The following STIM1 variants were observed in gnomAD, a reference collection of about 807,000 sequenced individuals.
The protein encoded by STIM1 is stromal interaction molecule 1.
A neutral mutation model predicts 74.7 loss-of-function variants in STIM1; 25 were observed. That is an observed-to-expected ratio of 0.33 (90% CI 0.24 to 0.47). The LOEUF (loss-of-function observed/expected upper bound fraction) is 0.47. STIM1 is among the 20% of genes least tolerant of loss of function. The pLI, the probability that STIM1 is intolerant of heterozygous loss-of-function variation, is 1.00. For missense variants in STIM1, 728 were observed against 920.8 expected (o/e 0.79, Z 2.71); for synonymous variants, 328 against 348.8 (o/e 0.94, Z 0.66).
chr11:4,080,462 A>T (rs1161443132), intron 7 of STIM1, among the ~76,000 whole-genome samples: 1 of 140,502 alleles, frequency 7.1e-6, no homozygotes, highest in Non-Finnish European at 1.5e-5. Context: ...CTCTTTAACC[A>T]AACAGTTTTT....
intron 7 of STIM1, among the ~76,000 whole-genome samples, chr11:4,080,818 A>G (rs971053195): frequency 1.3e-5 from 2 of 152,230 alleles, no homozygotes; most frequent in East Asian, 3.9e-4. Context: ...CTCCCTGACT[A>G]TCATGCTTCT....
chr11:3,882,235 G>T (rs995945375), intron 1 of STIM1, among the ~76,000 whole-genome samples: 7 of 151,668 alleles, frequency 4.6e-5, no homozygotes, highest in Non-Finnish European at 7.4e-5. Context: ...GAGTAGCTGG[G>T]ATTACAGGCG....
intron 1 of STIM1, among the ~76,000 whole-genome samples, chr11:3,899,481 C>A (rs1302178772): frequency 6.6e-6 from 1 of 152,068 alleles, no homozygotes; most frequent in African/African-American, 2.4e-5. Context: ...ATTTGACTTC[C>A]TCTTTTCCTA....
chr11:4,083,597 A>G (rs1590697966), intron 10 of STIM1, 99 bp downstream of exon 10: 1 of 1,136,908 alleles, frequency 8.8e-7, no homozygotes, highest in East Asian at 2.6e-5. Flanking sequence ...TGGGGCAGAT[A>G]CCCAGGAAGA....
At chr11:3,939,122 G>A (rs970565832) in intron 1 of STIM1, among the ~76,000 whole-genome samples, 1 of 152,188 alleles carries the variant, frequency 6.6e-6, no homozygotes, top group Non-Finnish European at 1.5e-5. Context: ...AAAACTAAGG[G>A]ATAGCAATAG....
chr11:4,043,280 A>G (rs963067435), intron 3 of STIM1, among the ~76,000 whole-genome samples: 1 of 152,232 alleles, frequency 6.6e-6, no homozygotes, highest in Non-Finnish European at 1.5e-5. Flanking sequence ...CTTAATCATA[A>G]AAGGTCTGTT....
intron 7 of STIM1, among the ~76,000 whole-genome samples, chr11:4,076,008 T>G (rs2094435118): frequency 6.6e-6 from 1 of 152,176 alleles, no homozygotes. Flanking sequence ...AATTGGATTG[T>G]CTGTCTTTTT....
chr11:3,863,220 ATGTGTG>A (rs56737126), intron 1 of STIM1, among the ~76,000 whole-genome samples: 13,463 of 125,690 alleles, frequency 0.11, 802 homozygotes, highest in African/African-American at 0.17. Flanking sequence ...GAGACAATGC[ATGTGTG>A]TGTGTGTGTG....
chr11:3,913,113 G>T (rs1361042202), intron 1 of STIM1, among the ~76,000 whole-genome samples: 2 of 152,058 alleles, frequency 1.3e-5, no homozygotes, highest in Non-Finnish European at 2.9e-5. Flanking sequence ...TGTATTTGAG[G>T]GTCTCTTAGT....
chr11:3,924,138 T>TA (rs200205087), intron 1 of STIM1, among the ~76,000 whole-genome samples: 153 of 137,400 alleles, frequency 1.1e-3, no homozygotes, highest in Non-Finnish European at 1.7e-3. Flanking sequence ...TTTAAAATTA[T>TA]TTTTTTTTTT....
rs545679055 is a variant in STIM1, at chr11:4,026,353, C to T, written c.385+2366C>T. On this transcript the variant is annotated intron_variant, in intron 3 of 12. Coordinates refer to ENST00000526596, the MANE Select transcript of STIM1 (RefSeq NM_001382567.1). Reference sequence around the variant, plus strand: ...TTAGGAATAAAAACAGCAGCAGCAACGACAAAAACTGAAAAACTACTTTAA... The same window carrying T: ...TTAGGAATAAAAACAGCAGCAGCAATGACAAAAACTGAAAAACTACTTTAA... 1.2e-4 allele frequency among the ~76,000 whole-genome samples: 18 copies of T among 152,240 alleles called. No homozygotes were observed. The East Asian group carries it at 1.5e-3, about 13-fold the overall frequency.
chr11:3,996,069 G>C (rs1367440836), intron 2 of STIM1, among the ~76,000 whole-genome samples: 6 of 152,084 alleles, frequency 3.9e-5, no homozygotes, highest in African/African-American at 1.4e-4. Context: ...TCTTTTGAGA[G>C]TACCCTACCC....
At position 3,895,790 on chromosome 11, in the gene STIM1, TCC is replaced by T. The variant is rs1486122403; in HGVS notation, c.139+39382_139+39383del. On this transcript the variant is annotated intron_variant, in intron 1 of 12. Coordinates refer to ENST00000526596, the MANE Select transcript of STIM1 (RefSeq NM_001382567.1). ...TTCCTTCCTTCCTTCCTTCCTTCCT[TCC>T]TTCCTTCCTTCCTTTCTTTCCTTCC... Among the ~76,000 whole-genome samples the T allele has an allele frequency of 8.5e-3, 821 of 96,634 alleles. 121 individuals are homozygous for T. Among genetic ancestry groups the T allele is most frequent in the African/African-American group, 0.032 (497 of 15,740 alleles). 63.4% of individuals were successfully genotyped at this position (96,634 alleles called of 152,430 possible). A position where few individuals can be genotyped will look rare whatever the true frequency, so the allele number is the denominator to read the frequency against.
chr11:4,031,526 TC>T (rs2094050229), intron 3 of STIM1, among the ~76,000 whole-genome samples: 1 of 152,232 alleles, frequency 6.6e-6, no homozygotes, highest in African/African-American at 2.4e-5. Flanking sequence ...CATTTTCAGT[TC>T]TTCCATATCT....
At chr11:3,916,976 A>C (rs1278682141) in intron 1 of STIM1, among the ~76,000 whole-genome samples, 1 of 152,226 alleles carries the variant, frequency 6.6e-6, no homozygotes, top group Non-Finnish European at 1.5e-5. Context: ...GCTTCTTTCA[A>C]TAGGGGCATT....
intron 2 of STIM1, among the ~76,000 whole-genome samples, chr11:3,995,084 A>AT (rs35397348): frequency 1.2e-4 from 18 of 150,108 alleles, no homozygotes; most frequent in African/African-American, 2.2e-4. Flanking sequence ...AAAAATCATG[A>AT]TTTTTTTTTT....
intron 2 of STIM1, among the ~76,000 whole-genome samples, chr11:4,009,927 C>G (rs1399343433): frequency 6.6e-6 from 1 of 152,154 alleles, no homozygotes; most frequent in Non-Finnish European, 1.5e-5. Context: ...ATCCTCTCAC[C>G]TCAGCCTCCC....
chr11:3,857,156 C>G (rs11606318), intron 1 of STIM1, among the ~76,000 whole-genome samples: 8,753 of 118,844 alleles, frequency 0.074, 361 homozygotes, highest in Middle Eastern at 0.29. Flanking sequence ...AACCATGCTA[C>G]TTTTGATCTG....
intron 5 of STIM1, among the ~76,000 whole-genome samples, chr11:4,061,245 G>T (rs1377728461): frequency 6.6e-6 from 1 of 152,152 alleles, no homozygotes; most frequent in Non-Finnish European, 1.5e-5. Flanking sequence ...CATGGTACTG[G>T]GTCCAGGATA....
Sources: allele counts gnomAD v4.1 joint callset (sites outside exome capture counted in the v4.1 genomes callset), GRCh38; gene constraint gnomAD v4.1.1; transcripts MANE v1.5; gene names NCBI Gene and HGNC (gene_info 2026-07-23, HGNC 2026-07-21).